Variants in P3H2 observed in about 807,000 individuals in gnomAD.
P3H2 encodes leprecan-like 1.
A neutral mutation model predicts 87.0 loss-of-function variants in P3H2; 80 were observed. The observed-to-expected ratio is 0.92, with a 90% CI of 0.77 to 1.11. P3H2 has a LOEUF of 1.11. Among genes scored for constraint, P3H2 ranks in the 50% least tolerant of loss-of-function variants. P3H2 has a pLI of 0.00. For synonymous variants in P3H2, 367 were observed against 359.3 expected, an observed-to-expected ratio of 1.02 and a Z score of -0.24; for missense variants, 1,001 against 923.9, an observed-to-expected ratio of 1.08 and a Z score of -1.08.
chr3:190,120,893 G>T lies in P3H2; in HGVS notation c.-162C>A. On this transcript the variant is annotated 5_prime_UTR_variant, in exon 1 of 15. Coordinates refer to ENST00000319332, the MANE Select transcript of P3H2 (RefSeq NM_018192.4). ...TGACCGCCGGCGCTCCGCGTACTGA[G>T]AGGCGGAGGCCGTGCCTGGCCAGCC... 1 of 1,169,720 alleles carries T rather than the reference G, an allele frequency of 8.5e-7. No homozygotes were observed. The highest frequency in any genetic ancestry group is 1.1e-6 in the Non-Finnish European group (1 of 878,520). 72.5% of individuals were successfully genotyped at this position (1,169,720 alleles called of 1,614,324 possible). A position where few individuals can be genotyped will look rare whatever the true frequency, so the allele number is the denominator to read the frequency against.
At chr3:190,079,740 C>T (rs991040409) in intron 1 of P3H2, among the ~76,000 whole-genome samples, 1 of 152,168 alleles carries the variant, frequency 6.6e-6, no homozygotes, top group African/African-American at 2.4e-5. Flanking sequence ...CTTCTTAATT[C>T]ACTGATTTCA....
At chr3:189,965,763 A>C (rs984775670) in intron 13 of P3H2, among the ~76,000 whole-genome samples, 3 of 152,146 alleles carry the variant, frequency 2.0e-5, no homozygotes, top group Non-Finnish European at 4.4e-5. Context: ...AGGCAGGTGG[A>C]TCACCTGAGG....
intron 1 of P3H2, among the ~76,000 whole-genome samples, chr3:190,086,240 C>T (rs1340493695): frequency 6.6e-6 from 1 of 152,176 alleles, no homozygotes; most frequent in African/African-American, 2.4e-5. Flanking sequence ...TTTAGAACCT[C>T]ACTGTCTCTC....
At chr3:190,081,618 G>T (rs574073702) in intron 1 of P3H2, among the ~76,000 whole-genome samples, 1 of 152,174 alleles carries the variant, frequency 6.6e-6, no homozygotes, top group Admixed American at 6.5e-5. Context: ...CTAGTGACAA[G>T]TGACTACCGT....
chr3:190,034,853 C>CT (rs58325211), intron 1 of P3H2, among the ~76,000 whole-genome samples: 107,184 of 140,176 alleles, frequency 0.76, 40,499 homozygotes, highest in East Asian at 0.83. Flanking sequence ...CTTTTCTTTT[C>CT]TTTTTTTTTT....
intron 1 of P3H2, among the ~76,000 whole-genome samples, chr3:190,031,369 G>T (rs1047034668): frequency 1.7e-5 from 1 of 60,094 alleles, no homozygotes; most frequent in Admixed American, 2.2e-4. Context: ...CGGGCATGAG[G>T]TCTCATGCCT....
At chr3:190,027,888 G>A (rs1047414557) in intron 1 of P3H2, among the ~76,000 whole-genome samples, 5 of 151,004 alleles carry the variant, frequency 3.3e-5, no homozygotes, top group Admixed American at 1.3e-4. Flanking sequence ...TTAAGACCAG[G>A]CACTTGAACC....
intron 1 of P3H2, among the ~76,000 whole-genome samples, chr3:190,069,881 AT>A (rs1726638691): frequency 6.6e-6 from 1 of 151,766 alleles, no homozygotes; most frequent in African/African-American, 2.4e-5. Context: ...TGGAAATCCA[AT>A]TAGCATGGAT....
intron 7 of P3H2, among the ~76,000 whole-genome samples, chr3:189,984,229 T>C (rs946928700): frequency 6.6e-6 from 1 of 152,198 alleles, no homozygotes; most frequent in Admixed American, 6.5e-5. Flanking sequence ...TTTCACAGTT[T>C]TTCTGTTAAT....
At chr3:189,961,636 A>G (rs1026925000) in intron 14 of P3H2, among the ~76,000 whole-genome samples, 1 of 152,220 alleles carries the variant, frequency 6.6e-6, no homozygotes, top group African/African-American at 2.4e-5. Context: ...GTAACGATCA[A>G]TAGATGATCT....
chr3:190,041,344 A>G (rs1434368330), intron 1 of P3H2, among the ~76,000 whole-genome samples: 1 of 149,770 alleles, frequency 6.7e-6, no homozygotes, highest in Non-Finnish European at 1.5e-5. Context: ...TTATTTTCAT[A>G]CCCTGTTTCT....
At chr3:190,121,018 G>A (rs1712563670), upstream of P3H2, 2 of 459,814 alleles carry the variant, frequency 4.3e-6, no homozygotes, top group Non-Finnish European at 7.5e-6. Flanking sequence ...GGGCTGCCAG[G>A]GGCGGCACAC....
Position 189,957,855 on chromosome 3 carries a change from G to A in P3H2, c.*57C>T. ...CCATGGCTCTGTACAAAAATAAAAA[G>A]GTTCTCATAAGATTAACAATTTAAA... On this transcript the variant is annotated 3_prime_UTR_variant, in exon 15 of 15. Transcript: ENST00000319332. The A allele has an allele frequency of 1.7e-6, 2 of 1,201,434 alleles. No individual in the cohort carries two copies. The highest frequency in any genetic ancestry group is 1.2e-5 in the South Asian group (1 of 81,478). The allele number at this position is 1,201,434 out of a possible 1,614,324, so 74.4% of individuals were successfully genotyped here.
intron 1 of P3H2, among the ~76,000 whole-genome samples, chr3:190,009,972 A>G (rs948173372): frequency 2.0e-5 from 3 of 152,098 alleles, no homozygotes; most frequent in African/African-American, 4.8e-5. Flanking sequence ...GGACGCTAAG[A>G]CCCTATAGAA....
rs1172381387 is a variant in P3H2 at position 189,957,442 on chromosome 3, TG to T, written c.*469del. The T allele has an allele frequency of 5.1e-3, 5 of 986 alleles. No individual in the cohort carries two copies. Among genetic ancestry groups the T allele is most frequent in the Non-Finnish European group, 0.011 (5 of 458 alleles). 0.1% of individuals were successfully genotyped at this position (986 alleles called of 1,614,324 possible). A position where few individuals can be genotyped will look rare whatever the true frequency, so the allele number is the denominator to read the frequency against. ...GCTTTTGAATTTGCAGCAACTTAAT[TG>T]TGTGTGTGTGTGTGTGTGTGTGTGT... On this transcript the variant is annotated 3_prime_UTR_variant, in exon 15 of 15. Transcript: ENST00000319332.
At chr3:190,014,119 T>G (rs1461965470) in intron 1 of P3H2, among the ~76,000 whole-genome samples, 1 of 152,232 alleles carries the variant, frequency 6.6e-6, no homozygotes, top group Non-Finnish European at 1.5e-5. Context: ...TCATGAAGAA[T>G]GTAACATTTG....
At chr3:190,011,516 TA>T (rs1724587679) in intron 1 of P3H2, among the ~76,000 whole-genome samples, 1 of 152,228 alleles carries the variant, frequency 6.6e-6, no homozygotes, top group Non-Finnish European at 1.5e-5. Context: ...ACAGTTTTCC[TA>T]ATGCAGAAAG....
rs1307402018 is a variant in P3H2 at position 189,957,959 on chromosome 3, G to A, written c.2080C>T (p.Gln694Ter). The A allele has an allele frequency of 1.9e-6, 3 of 1,613,732 alleles. No homozygotes were observed. The highest frequency in any genetic ancestry group is 1.1e-5 in the South Asian group (1 of 91,062). ...ATATTCAGTTCATGCTTCCCTTGCTGTTCTTGATCCAGAATTGCAATCACT... is the reference window on the plus strand; with the variant it reads ...ATATTCAGTTCATGCTTCCCTTGCTATTCTTGATCCAGAATTGCAATCACT... ...DEVIAILDQE[Q>*]QGKHELNINP... is the part of the protein sequence containing the mutation. The change falls in exon 15 of 15, where the codon CAG (glutamine) becomes TAG (stop). Residue 694 changes from glutamine (Q) to a stop codon, truncating the protein, a stop_gained. Transcript: ENST00000319332. LOFTEE classifies it high-confidence loss of function.
chr3:190,037,509 T>C (rs1290930220), intron 1 of P3H2, among the ~76,000 whole-genome samples: 1 of 152,154 alleles, frequency 6.6e-6, no homozygotes, highest in African/African-American at 2.4e-5. Flanking sequence ...TTTTAGCAAA[T>C]AGTTTGACTT....
Sources: allele counts gnomAD v4.1 joint callset (sites outside exome capture counted in the v4.1 genomes callset), GRCh38; gene constraint gnomAD v4.1.1; transcripts MANE v1.5; gene names NCBI Gene and HGNC (gene_info 2026-07-23, HGNC 2026-07-21).